TLK1: variants seen among roughly 807,000 people sequenced by gnomAD.
The protein encoded by TLK1 is serine/threonine-protein kinase tousled-like 1.
In TLK1, 24 loss-of-function variants were observed where a neutral mutation model predicts 105.3. The ratio of observed to expected loss-of-function variants is 0.23; its 90% CI spans 0.17 to 0.32. The LOEUF is 0.32. TLK1 is among the 10% of genes least tolerant of loss of function. The pLI is 1.00. For missense variants in TLK1, 558 were observed against 910.5 expected, an observed-to-expected ratio of 0.61 and a Z score of 4.98; for synonymous variants, 321 against 310.4, an observed-to-expected ratio of 1.03 and a Z score of -0.36.
intron 1 of TLK1, among the ~76,000 whole-genome samples, chr2:171,150,795 C>G (rs539771361): frequency 6.6e-6 from 1 of 152,306 alleles, no homozygotes; most frequent in Non-Finnish European, 1.5e-5. Flanking sequence ...ATACAATACC[C>G]AGTATGTGAA....
intron 18 of TLK1, among the ~76,000 whole-genome samples, chr2:171,003,273 C>CGAAAA (rs1684481904): frequency 2.9e-5 from 2 of 68,508 alleles, no homozygotes; most frequent in Admixed American, 1.6e-4. Flanking sequence ...GACTCCGTCT[C>CGAAAA]AAAAAAAAAA....
chr2:171,055,217 A>G, intron 6 of TLK1, 45 bp from the exon 7 acceptor site: 1 of 1,191,138 alleles, frequency 8.4e-7, no homozygotes, highest in Admixed American at 3.0e-5. Flanking sequence ...AAAAAAAAAA[A>G]AAAACACAAA....
chr2:170,997,979 TTC>T (rs1365471435), intron 18 of TLK1, among the ~76,000 whole-genome samples, 156 bp from the exon 19 acceptor site: 1 of 152,198 alleles, frequency 6.6e-6, no homozygotes, highest in African/African-American at 2.4e-5. Context: ...AGCATTTACA[TTC>T]TTTTATCATT....
chr2:170,993,683 A>AG lies in TLK1; in HGVS notation c.*96_*97insC. Reference sequence around the variant, plus strand: ...ACGTCTTGTGTAAAAAAAAAAAAAAAAAAAAAAGAAAAAGAAAACAAACAC... The same window carrying AG: ...ACGTCTTGTGTAAAAAAAAAAAAAAAGAAAAAAAGAAAAAGAAAACAAACAC... On this transcript the variant is annotated 3_prime_UTR_variant, in exon 21 of 21. Transcript: ENST00000431350. 7.7e-5 allele frequency: 75 copies of AG among 974,962 alleles called. No individual in the cohort carries two copies. The Middle Eastern group carries it at 1.1e-3, about 14-fold the overall frequency. The allele number at this position is 974,962 out of a possible 1,614,324, so 60.4% of individuals were successfully genotyped here.
intron 1 of TLK1, among the ~76,000 whole-genome samples, chr2:171,191,846 A>T (rs967733103): frequency 2.6e-5 from 4 of 151,374 alleles, no homozygotes; most frequent in African/African-American, 9.7e-5. Flanking sequence ...GAGCTTAAAA[A>T]CTCTGATTCT....
At chr2:171,104,670 C>G (rs997060925) in intron 2 of TLK1, among the ~76,000 whole-genome samples, 5 of 152,142 alleles carry the variant, frequency 3.3e-5, no homozygotes, top group Non-Finnish European at 7.3e-5. Context: ...CAATGTTCAC[C>G]ATGTTGGCCA....
Position 171,177,330 on chromosome 2 carries a change from T to A in TLK1, c.-6+53815A>T, listed in dbSNP as rs112098055. ...CTAATTTTTAAATTTTTTGTAGAGA[T>A]GGTTTTTTTGCCACATTGGCCAGGC... is the stretch of plus-strand genomic sequence containing the variant. On this transcript the variant is annotated intron_variant, in intron 1 of 20. Transcript: ENST00000521943. Among the ~76,000 whole-genome samples, 1,206 of 149,148 alleles carry A rather than the reference T, an allele frequency of 8.1e-3. 11 individuals are homozygous for A. The highest frequency in any genetic ancestry group is 0.028 in the African/African-American group (1,150 of 40,448).
chr2:171,003,110 T>G (rs1684466524), intron 18 of TLK1, among the ~76,000 whole-genome samples: 1 of 151,402 alleles, frequency 6.6e-6, no homozygotes, highest in African/African-American at 2.4e-5. Context: ...CCGTCTCTAC[T>G]AAAAATACAA....
rs189053508 is a variant in TLK1, at chr2:171,012,894, C to A, written c.1335-1440G>T. ...AATTTCTGCTTAGTTTCAAGCCACA[C>A]TGTAAAGCTGTAACAGTTGATTTTA... On this transcript the variant is annotated intron_variant, in intron 13 of 20. Transcript: ENST00000431350. 2.1e-3 allele frequency among the ~76,000 whole-genome samples: 325 copies of A among 152,292 alleles called. 3 individuals are homozygous for A. Among genetic ancestry groups the A allele is most frequent in the Non-Finnish European group, 1.9e-3 (130 of 68,024 alleles).
intron 1 of TLK1, among the ~76,000 whole-genome samples, chr2:171,179,692 TC>T (rs1351159791): frequency 6.6e-6 from 1 of 152,188 alleles, no homozygotes; most frequent in African/African-American, 2.4e-5. Context: ...GTGCAGTGGC[TC>T]ATACCTGTAA....
At chr2:171,022,086 A>ACACACACACACACACACACACAC (rs1553605633) in intron 12 of TLK1, among the ~76,000 whole-genome samples, 2 of 103,010 alleles carry the variant, frequency 1.9e-5, no homozygotes, top group Admixed American at 1.0e-4. Flanking sequence ...CTGGGCGAAA[A>ACACACACACACACACACACACAC]ACACACACAC....
chr2:171,130,699 A>C (rs1691067820), intron 1 of TLK1, among the ~76,000 whole-genome samples: 1 of 152,174 alleles, frequency 6.6e-6, no homozygotes, highest in South Asian at 2.1e-4. Flanking sequence ...AGGAACAAAA[A>C]TAAATAAATT....
intron 2 of TLK1, among the ~76,000 whole-genome samples, chr2:171,088,859 C>G (rs937401744): frequency 4.6e-5 from 7 of 152,138 alleles, no homozygotes; most frequent in African/African-American, 1.7e-4. Flanking sequence ...CCACCAAAAA[C>G]AAAGAAATAA....
At chr2:171,161,735 C>G (rs1025879840), upstream of TLK1, among the ~76,000 whole-genome samples, 1 of 152,144 alleles carries the variant, frequency 6.6e-6, no homozygotes, top group Non-Finnish European at 1.5e-5. Context: ...TCTAGTGTCT[C>G]CGCTGAGTCC....
At chr2:171,123,697 G>A (rs919797295) in intron 1 of TLK1, among the ~76,000 whole-genome samples, 1 of 152,216 alleles carries the variant, frequency 6.6e-6, no homozygotes, top group East Asian at 1.9e-4. Context: ...TATGGTCGCA[G>A]CTACTCAGGA....
intron 12 of TLK1, among the ~76,000 whole-genome samples, chr2:171,015,415 A>AAC (rs56238853): frequency 0.03 from 4,032 of 132,574 alleles, 97 homozygotes; most frequent in African/African-American, 0.058. Context: ...TTGGAGTACA[A>AAC]ACACACACAC....
At chr2:171,177,802 T>C (rs1692857534) in intron 1 of TLK1, among the ~76,000 whole-genome samples, 1 of 152,136 alleles carries the variant, frequency 6.6e-6, no homozygotes, top group African/African-American at 2.4e-5. Flanking sequence ...TAGCATTTTT[T>C]TTTCTTTTGA....
chr2:171,079,929 G>A (rs551799028), intron 3 of TLK1, among the ~76,000 whole-genome samples: 7 of 152,228 alleles, frequency 4.6e-5, no homozygotes, highest in African/African-American at 1.7e-4. Flanking sequence ...TGTCCAACTG[G>A]TGAACTACAA....
chr2:171,003,273 C>CAAAAAAAAAAAAAAAAAA (rs777049271), intron 18 of TLK1, among the ~76,000 whole-genome samples: 3 of 68,500 alleles, frequency 4.4e-5, no homozygotes, highest in African/African-American at 8.2e-5. Flanking sequence ...GACTCCGTCT[C>CAAAAAAAAAAAAAAAAAA]AAAAAAAAAA....
Sources: allele counts gnomAD v4.1 joint callset (sites outside exome capture counted in the v4.1 genomes callset), GRCh38; gene constraint gnomAD v4.1.1; transcripts MANE v1.5; gene names NCBI Gene and HGNC (gene_info 2026-07-23, HGNC 2026-07-21).